Variants in PRIMPOL observed in about 807,000 individuals in gnomAD.
The protein encoded by PRIMPOL is primase and DNA directed polymerase.
In PRIMPOL, 54 loss-of-function variants were observed where a neutral mutation model predicts 63.6. That is an observed-to-expected ratio of 0.85 (90% confidence interval 0.68 to 1.07). The LOEUF (loss-of-function observed/expected upper bound fraction) is 1.07, where lower values mean the gene tolerates loss of function less well. Among genes scored for constraint, PRIMPOL ranks in the 50% least tolerant of loss-of-function variants. The pLI is 0.00. For synonymous variants in PRIMPOL, 197 were observed against 220.2 expected, an observed-to-expected ratio of 0.89 and a Z score of 0.93; for missense variants, 610 against 648.3, an observed-to-expected ratio of 0.94 and a Z score of 0.64.
intron 6 of PRIMPOL, among the ~76,000 whole-genome samples, chr4:184,669,057 T>C (rs1750854179): frequency 6.6e-6 from 1 of 152,202 alleles, no homozygotes; most frequent in Non-Finnish European, 1.5e-5. Flanking sequence ...ATGTGGTCTG[T>C]TCACCTGGTC....
At chr4:184,654,801 T>C (rs1225320814) in intron 2 of PRIMPOL, among the ~76,000 whole-genome samples, 1 of 152,196 alleles carries the variant, frequency 6.6e-6, no homozygotes, top group East Asian at 1.9e-4. Context: ...AGTGAATTGA[T>C]ATTTTCCCTA....
At position 184,694,679 on chromosome 4, in the gene PRIMPOL, ATGC is replaced by A. The variant is rs772524869; in HGVS notation, c.1586_1588del (p.Ala529del). The A allele has an allele frequency of 4.3e-6, 7 of 1,614,156 alleles. No homozygotes were observed. Among genetic ancestry groups the A allele is most frequent in the Admixed American group, 1.7e-5 (1 of 60,030 alleles). ...GCTTATTTTTTAGAAGCTACTGAAG[ATGC>A]TGAATTAGCTGAAGCTGCAGAGAAC... On this transcript the variant is annotated inframe_deletion, in exon 14 of 14. Transcript: ENST00000314970.
Position 184,694,695 on chromosome 4 carries a change from A to T in PRIMPOL, c.1599A>T (p.Glu533Asp), listed in dbSNP as rs761308781. Reference protein sequence around the residue: ...LEATEDAELAEAAENSLLSYN... With the variant: ...LEATEDAELADAAENSLLSYN... ...CTACTGAAGATGCTGAATTAGCTGA[A>T]GCTGCAGAGAACAGTCTTCTCAGTT... Residue 533 changes from glutamate (E) to aspartate (D), a missense_variant, in exon 14 of 14, where the codon GAA (glutamate) becomes GAT (aspartate). Transcript: ENST00000314970. 1 of 1,613,878 alleles carries T rather than the reference A, an allele frequency of 6.2e-7. No individual in the cohort carries two copies. Among genetic ancestry groups the T allele is most frequent in the South Asian group, 1.1e-5 (1 of 91,070 alleles).
chr4:184,674,016 C>T (rs145049818), intron 7 of PRIMPOL, among the ~76,000 whole-genome samples: 26 of 152,294 alleles, frequency 1.7e-4, no homozygotes, highest in Non-Finnish European at 3.5e-4. Context: ...TGGGACTAGC[C>T]TGCAGTCAGT....
chr4:184,676,031 GA>G (rs1753229166), intron 7 of PRIMPOL, among the ~76,000 whole-genome samples: 1 of 152,112 alleles, frequency 6.6e-6, no homozygotes, highest in East Asian at 1.9e-4. Flanking sequence ...TCTTGTTAAA[GA>G]AACGTGGCCT....
rs150123773 is a variant in PRIMPOL at position 184,661,787 on chromosome 4, C to T, written c.292C>T (p.His98Tyr). ...FYYKSRKNLL[H>Y]CYEVIPENAV... is the part of the protein sequence containing the mutation. ...TATTCAATTTAGAAAAAATCTCTTA[C>T]ACTGCTATGAAGTTATTCCTGAAAA... The change falls in exon 5 of 14, where the codon CAC becomes TAC. Residue 98 changes from histidine to tyrosine, a missense_variant. This residue lies in a region of PRIMPOL where 159 missense variants were observed against 168.9 expected (regional missense o/e 0.94). Coordinates refer to ENST00000314970, the MANE Select transcript of PRIMPOL (RefSeq NM_152683.4). The T allele has an allele frequency of 2.8e-4, 453 of 1,603,102 alleles. No individual in the cohort carries two copies. Among genetic ancestry groups the T allele is most frequent in the Non-Finnish European group, 3.4e-4 (399 of 1,173,310 alleles).
At chr4:184,687,430 G>A (rs190320325) in intron 11 of PRIMPOL, among the ~76,000 whole-genome samples, 15 of 151,978 alleles carry the variant, frequency 9.9e-5, no homozygotes, top group African/African-American at 2.9e-4. Context: ...TGTATCTGCC[G>A]CCCACCTTAA....
In PRIMPOL at chr4:184,691,556, T is replaced by TA. The variant is rs1166887903; in HGVS notation, c.1356dup (p.Ala453SerfsTer7). The TA allele has an allele frequency of 3.1e-6, 5 of 1,609,260 alleles. No homozygotes were observed. Among genetic ancestry groups the TA allele is most frequent in the Non-Finnish European group, 3.4e-6 (4 of 1,177,152 alleles). ...ATCAAAAATGTCATGACCCTGTATG[T>TA]AAAGCAGAAAACTTCAAATCTGACT... is the stretch of plus-strand genomic sequence containing the variant. On this transcript the variant is annotated frameshift_variant, in exon 12 of 14. Coordinates refer to ENST00000314970, the MANE Select transcript of PRIMPOL (RefSeq NM_152683.4). LOFTEE classifies it high-confidence loss of function.
At chr4:184,659,549 C>T in intron 4 of PRIMPOL, 112 bp downstream of exon 4, 1 of 745,988 alleles carries the variant, frequency 1.3e-6, no homozygotes, top group South Asian at 1.5e-5. Flanking sequence ...CGTGACCACA[C>T]TATTAGTTGC....
intron 3 of PRIMPOL, 68 bp from the exon 4 acceptor site, chr4:184,659,272 A>C: frequency 1.9e-6 from 2 of 1,061,444 alleles, no homozygotes; most frequent in Non-Finnish European, 1.4e-6. Flanking sequence ...ATGAACATTC[A>C]GTAGCTACAG....
At position 184,657,233 on chromosome 4, in the gene PRIMPOL, A is replaced by G. The variant is rs536604306; in HGVS notation, c.93A>G (p.Arg31=). 3 of 1,613,990 alleles carry G rather than the reference A, an allele frequency of 1.9e-6. No individual in the cohort carries two copies. In the South Asian group the frequency reaches 3.3e-5, roughly 18 times the overall value. ...RKPLSSVYRP[R]LSKPEEPPSI... is the part of the protein sequence containing the mutation. The stretch of plus-strand genomic sequence containing the variant: ...CGTTGTCCTCAGTGTATAGACCAAG[A>G]TTGTCCAAGCCAGAAGAACCACCCT... Residue 31 remains arginine, a synonymous_variant, in exon 3 of 14, where the codon AGA becomes AGG. Transcript: ENST00000314970.
intron 2 of PRIMPOL, among the ~76,000 whole-genome samples, chr4:184,654,963 A>G (rs895585313): frequency 6.6e-6 from 1 of 151,782 alleles, no homozygotes; most frequent in African/African-American, 2.4e-5. Context: ...TGCGGATAAT[A>G]TGCCTTTGTT....
At chr4:184,678,816 C>T (rs949305899) in intron 8 of PRIMPOL, among the ~76,000 whole-genome samples, 2 of 150,712 alleles carry the variant, frequency 1.3e-5, no homozygotes, top group African/African-American at 4.8e-5. Flanking sequence ...GTGTGAGCCA[C>T]CGCGCCCAGC....
rs75909265 is a variant in PRIMPOL, at chr4:184,687,508, C to T, written c.1295+1824C>T. Reference sequence around the variant, plus strand: ...ACCCCAATTTCCTTCTCTCCCTGGCCCTCAGAGATGGTAGCCAGTATCCCG... The same window carrying T: ...ACCCCAATTTCCTTCTCTCCCTGGCTCTCAGAGATGGTAGCCAGTATCCCG... On this transcript the variant is annotated intron_variant, in intron 11 of 13. Coordinates refer to ENST00000314970, the MANE Select transcript of PRIMPOL (RefSeq NM_152683.4). Among the ~76,000 whole-genome samples the T allele has an allele frequency of 2.0e-5, 3 of 152,332 alleles. No homozygotes were observed. In the East Asian group the frequency reaches 5.8e-4, roughly 29 times the overall value.
At chr4:184,679,808 G>A (rs114156003) in intron 8 of PRIMPOL, among the ~76,000 whole-genome samples, 4,427 of 152,244 alleles carry the variant, frequency 0.029, 219 homozygotes, top group African/African-American at 0.1. Flanking sequence ...GAGGGATCTA[G>A]GTTGCACACT....
intron 11 of PRIMPOL, among the ~76,000 whole-genome samples, chr4:184,687,912 G>T (rs942876738): frequency 1.3e-5 from 2 of 152,204 alleles, no homozygotes; most frequent in East Asian, 3.9e-4. Context: ...CACCGTGCCC[G>T]GCCATAAACA....
intron 2 of PRIMPOL, among the ~76,000 whole-genome samples, chr4:184,654,053 C>T (rs1745500191): frequency 1.3e-5 from 2 of 152,184 alleles, no homozygotes; most frequent in African/African-American, 2.4e-5. Flanking sequence ...TCATGGTTTC[C>T]CCAGTTCAGT....
At chr4:184,692,069 T>C (rs1042301185) in intron 13 of PRIMPOL, among the ~76,000 whole-genome samples, 6 of 152,194 alleles carry the variant, frequency 3.9e-5, no homozygotes, top group African/African-American at 7.2e-5. Flanking sequence ...TCAAAGGGCA[T>C]ATTCAGTTTT....
chr4:184,678,503 G>C, intron 8 of PRIMPOL, 109 bp downstream of exon 8: 2 of 622,242 alleles, frequency 3.2e-6, no homozygotes, highest in Non-Finnish European at 5.2e-6. Flanking sequence ...TCTACCTTAA[G>C]AAAATGTCAG....
Sources: allele counts gnomAD v4.1 joint callset (sites outside exome capture counted in the v4.1 genomes callset), GRCh38; gene constraint gnomAD v4.1.1; regional missense constraint gnomAD v4.1.1; transcripts MANE v1.5; gene names NCBI Gene and HGNC (gene_info 2026-07-23, HGNC 2026-07-21).